Variants in MRFAP1 observed in about 807,000 individuals in gnomAD.
MRFAP1 encodes Morf4 family associated protein 1.
MRFAP1 carries 1 observed loss-of-function variant against 9.3 expected under a neutral mutation model. The ratio of observed to expected loss-of-function variants is 0.11; its 90% CI spans 0.04 to 0.51. The LOEUF (loss-of-function observed/expected upper bound fraction) is 0.51, where lower values mean the gene tolerates loss of function less well. Ranked by LOEUF, MRFAP1 falls within the 20% of genes least tolerant of loss-of-function variation. The pLI, the probability that MRFAP1 is intolerant of heterozygous loss-of-function variation, is 0.94. For missense variants in MRFAP1, 180 were observed against 178.6 expected (o/e 1.01, Z -0.04); for synonymous variants, 101 against 80.3 (o/e 1.26, Z -1.38).
Position 6,640,970 on chromosome 4 carries a change from C to T in MRFAP1, c.108C>T (p.Arg36=). The T allele has an allele frequency of 6.2e-7, 1 of 1,614,140 alleles. No individual in the cohort carries two copies. The highest frequency in any genetic ancestry group is 1.7e-4 in the Middle Eastern group (1 of 6,060). Reference sequence around the variant, plus strand: ...TGCTCCCGGTCATCAACGAGATGCGCGAGGACATCGCGTCGCTGACGCGCG... The same window carrying T: ...TGCTCCCGGTCATCAACGAGATGCGTGAGGACATCGCGTCGCTGACGCGCG... ...QFLLPVINEM[R]EDIASLTREH... Residue 36 remains arginine, a synonymous_variant, in exon 1 of 2, where the codon CGC becomes CGT. Coordinates refer to ENST00000382581, the MANE Select transcript of MRFAP1 (RefSeq NM_033296.3).
intron 1 of MRFAP1, 89 bp from the exon 2 acceptor site, chr4:6,641,641 G>C (rs1712838637): frequency 5.6e-6 from 1 of 177,938 alleles, no homozygotes; most frequent in African/African-American, 2.4e-5. Context: ...AAGAGGTGGC[G>C]TCCTGCACAG....
intron 1 of MRFAP1, 69 bp downstream of exon 1, chr4:6,641,327 C>A: frequency 6.6e-7 from 1 of 1,504,408 alleles, no homozygotes; most frequent in Non-Finnish European, 8.9e-7. Context: ...GCGATGATTT[C>A]ATCGAGATGC....
At position 6,641,273 on chromosome 4, in the gene MRFAP1, C is replaced by A; in HGVS notation, c.*12+15C>A. The A allele has an allele frequency of 6.5e-7, 1 of 1,537,236 alleles. No homozygotes were observed. The highest frequency in any genetic ancestry group is 1.3e-5 in the South Asian group (1 of 79,910). ...CGCGGTCGGCGGTAAGTCGGGCACCCGCGCCAGGCCGAGGAGCGGCCCCAG... is the reference window on the plus strand; with the variant it reads ...CGCGGTCGGCGGTAAGTCGGGCACCAGCGCCAGGCCGAGGAGCGGCCCCAG... On this transcript the variant is annotated intron_variant, in intron 1 of 1. Transcript: ENST00000382581.
In MRFAP1 at chr4:6,640,685, A is replaced by C. The variant is rs897010731; in HGVS notation, c.-178A>C. ...AGCGCTGGTTGACGGCCGGGACTCC[A>C]TTTTGTTCGCCGTTACTCTGCGCGT... On this transcript the variant is annotated 5_prime_UTR_variant, in exon 1 of 2. Transcript: ENST00000382581. The C allele has an allele frequency of 1.7e-5, 13 of 756,732 alleles. No homozygotes were observed. The Admixed American group carries it at 2.0e-4, about 12-fold the overall frequency. 46.9% of individuals were successfully genotyped at this position (756,732 alleles called of 1,614,324 possible).
chr4:6,641,276 G>T lies in MRFAP1; in HGVS notation c.*12+18G>T. ...GGTCGGCGGTAAGTCGGGCACCCGC[G>T]CCAGGCCGAGGAGCGGCCCCAGCTT... On this transcript the variant is annotated intron_variant, in intron 1 of 1. Coordinates refer to ENST00000382581, the MANE Select transcript of MRFAP1 (RefSeq NM_033296.3). The T allele has an allele frequency of 2.0e-6, 3 of 1,537,126 alleles. No homozygotes were observed. Among genetic ancestry groups the T allele is most frequent in the Non-Finnish European group, 2.6e-6 (3 of 1,139,530 alleles).
chr4:6,641,599 C>G (rs189109713), intron 1 of MRFAP1, 131 bp from the exon 2 acceptor site: 1 of 237,080 alleles, frequency 4.2e-6, no homozygotes, highest in East Asian at 1.0e-4. Context: ...GTCAACGTTG[C>G]TAGAGACTGG....
Position 6,640,857 on chromosome 4 carries a change from G to A in MRFAP1, c.-6G>A, listed in dbSNP as rs1712786922. 4 of 1,601,440 alleles carry A rather than the reference G, an allele frequency of 2.5e-6. No homozygotes were observed. In the East Asian group the frequency reaches 8.9e-5, roughly 36 times the overall value. ...CGCTATTGCGGTTCCGAGGCAGTGG[G>A]AAGAGATGCGGCCCCTGGACATCGT... On this transcript the variant is annotated 5_prime_UTR_variant, in exon 1 of 2. Transcript: ENST00000382581.
Position 6,641,001 on chromosome 4 carries a change from G to T in MRFAP1, c.139G>T (p.Gly47Trp). 6.2e-7 allele frequency: 1 copy of T among 1,614,232 alleles called. No individual in the cohort carries two copies. Among genetic ancestry groups the T allele is most frequent in the Non-Finnish European group, 8.5e-7 (1 of 1,180,040 alleles). Residue 47 changes from glycine (G) to tryptophan (W), a missense_variant, in exon 1 of 2, where the codon GGG becomes TGG. Physicochemically the swap from Gly to Trp is radical, Grantham distance 184 (BLOSUM62 -2). Transcript: ENST00000382581. The part of the protein sequence containing the change: ...EDIASLTREH[G>W]RAYLRNRSKL... ...CATCGCGTCGCTGACGCGCGAGCACGGGCGGGCGTACCTGCGGAACCGGAG... is the reference window on the plus strand; with the variant it reads ...CATCGCGTCGCTGACGCGCGAGCACTGGCGGGCGTACCTGCGGAACCGGAG...
In MRFAP1 at chr4:6,641,265, C is replaced by T. The variant is rs1343597453; in HGVS notation, c.*12+7C>T. 3 of 1,546,014 alleles carry T rather than the reference C, an allele frequency of 1.9e-6. No individual in the cohort carries two copies. The highest frequency in any genetic ancestry group is 1.2e-5 in the South Asian group (1 of 81,546). ...GTCGTGAGCGCGGTCGGCGGTAAGTCGGGCACCCGCGCCAGGCCGAGGAGC... is the reference window on the plus strand; with the variant it reads ...GTCGTGAGCGCGGTCGGCGGTAAGTTGGGCACCCGCGCCAGGCCGAGGAGC... On this transcript the variant is annotated splice_region_variant and intron_variant, in intron 1 of 1. Coordinates refer to ENST00000382581, the MANE Select transcript of MRFAP1 (RefSeq NM_033296.3).
chr4:6,640,990 C>A lies in MRFAP1; in HGVS notation c.128C>A (p.Thr43Lys), dbSNP rs1430476737. Residue 43 changes from threonine (T) to lysine (K), a missense_variant, in exon 1 of 2, where the codon ACG (threonine) becomes AAG (lysine). Transcript: ENST00000382581. ...ATGCGCGAGGACATCGCGTCGCTGA[C>A]GCGCGAGCACGGGCGGGCGTACCTG... Reference protein sequence around the residue: ...NEMREDIASLTREHGRAYLRN... With the variant: ...NEMREDIASLKREHGRAYLRN... 8 of 1,614,052 alleles carry A rather than the reference C, an allele frequency of 5.0e-6. No individual in the cohort carries two copies. The East Asian group carries it at 1.8e-4, about 36-fold the overall frequency.
At position 6,642,400 on chromosome 4, in the gene MRFAP1, C is replaced by G. The variant is rs546321867; in HGVS notation, c.*683C>G. ...TGTCTGGTGAGTTTGTTTGGACAACCTAACTCAGCTTTATTTGACATGGAA... is the reference window on the plus strand; with the variant it reads ...TGTCTGGTGAGTTTGTTTGGACAACGTAACTCAGCTTTATTTGACATGGAA... On this transcript the variant is annotated 3_prime_UTR_variant, in exon 2 of 2. Coordinates refer to ENST00000382581, the MANE Select transcript of MRFAP1 (RefSeq NM_033296.3). 5.9e-5 allele frequency: 9 copies of G among 152,680 alleles called. No individual in the cohort carries two copies. Among genetic ancestry groups the G allele is most frequent in the Non-Finnish European group, 1.0e-4 (7 of 68,060 alleles). 9.5% of individuals were successfully genotyped at this position (152,680 alleles called of 1,614,324 possible).
Position 6,640,685 on chromosome 4 carries a change from A to AT in MRFAP1, c.-174dup. On this transcript the variant is annotated 5_prime_UTR_variant, in exon 1 of 2. Coordinates refer to ENST00000382581, the MANE Select transcript of MRFAP1 (RefSeq NM_033296.3). ...AGCGCTGGTTGACGGCCGGGACTCC[A>AT]TTTTGTTCGCCGTTACTCTGCGCGT... 1.3e-6 allele frequency: 1 copy of AT among 756,850 alleles called. No homozygotes were observed. Among genetic ancestry groups the AT allele is most frequent in the Non-Finnish European group, 2.1e-6 (1 of 484,294 alleles). 46.9% of individuals were successfully genotyped at this position (756,850 alleles called of 1,614,324 possible).
At chr4:6,641,448 T>G (rs1577307406) in intron 1 of MRFAP1, 190 bp downstream of exon 1, 3 of 673,938 alleles carry the variant, frequency 4.5e-6, no homozygotes, top group South Asian at 2.3e-5. Flanking sequence ...ATAATCAGAG[T>G]GGCCGGGTTT....
rs1345607805 is a variant in MRFAP1, at chr4:6,641,153, C to T, written c.291C>T (p.Cys97=). 3 of 1,613,988 alleles carry T rather than the reference C, an allele frequency of 1.9e-6. No homozygotes were observed. The highest frequency in any genetic ancestry group is 8.5e-7 in the Non-Finnish European group (1 of 1,180,004). The change falls in exon 1 of 2, where the codon TGC becomes TGT. Residue 97 remains cysteine, a synonymous_variant. Coordinates refer to ENST00000382581, the MANE Select transcript of MRFAP1 (RefSeq NM_033296.3). ...DAAEGRAAKR[C]EKAEEKAKEI... is the part of the protein sequence containing the mutation. ...CCGAGGGCCGGGCGGCCAAGAGGTG[C>T]GAGAAGGCCGAGGAGAAGGCCAAGG...
chr4:6,640,898 G>T lies in MRFAP1; in HGVS notation c.36G>T (p.Pro12=), dbSNP rs777241090. 1 of 1,612,090 alleles carries T rather than the reference G, an allele frequency of 6.2e-7. No homozygotes were observed. The highest frequency in any genetic ancestry group is 1.3e-5 in the African/African-American group (1 of 75,042). ...TGGACATCGTCGAGCTGGCGGAACC[G>T]GAGGAAGTGGAGGTGCTGGAGCCCG... ...RPLDIVELAE[P]EEVEVLEPEE... is the part of the protein sequence containing the mutation. The change falls in exon 1 of 2, where the codon CCG becomes CCT. Residue 12 remains proline (P), a synonymous_variant. Coordinates refer to ENST00000382581, the MANE Select transcript of MRFAP1 (RefSeq NM_033296.3).
intron 1 of MRFAP1, 190 bp from the exon 2 acceptor site, chr4:6,641,540 C>T (rs775984444): frequency 1.4e-5 from 5 of 362,354 alleles, no homozygotes; most frequent in Non-Finnish European, 1.5e-5. Context: ...CCGGGCCGTC[C>T]AGCAAGCGGG....
At position 6,642,085 on chromosome 4, in the gene MRFAP1, G is replaced by C. The variant is rs1481217111; in HGVS notation, c.*368G>C. 6.5e-6 allele frequency: 1 copy of C among 152,674 alleles called. No individual in the cohort carries two copies. The allele number at this position is 152,674 out of a possible 1,614,324, so 9.5% of individuals were successfully genotyped here. A position where few individuals can be genotyped will look rare whatever the true frequency, so the allele number is the denominator to read the frequency against. On this transcript the variant is annotated 3_prime_UTR_variant, in exon 2 of 2. Transcript: ENST00000382581. ...GATAGCTCCCTGGAACTTTGGGTCT[G>C]TGTGTGACACATGAGACTCACAGTT...
At position 6,642,321 on chromosome 4, in the gene MRFAP1, A is replaced by G. The variant is rs1303555347; in HGVS notation, c.*604A>G. 1 of 152,624 alleles carries G rather than the reference A, an allele frequency of 6.6e-6. No individual in the cohort carries two copies. Among genetic ancestry groups the G allele is most frequent in the Non-Finnish European group, 1.5e-5 (1 of 68,046 alleles). 9.5% of individuals were successfully genotyped at this position (152,624 alleles called of 1,614,324 possible). On this transcript the variant is annotated 3_prime_UTR_variant, in exon 2 of 2. Coordinates refer to ENST00000382581, the MANE Select transcript of MRFAP1 (RefSeq NM_033296.3). Reference sequence around the variant, plus strand: ...TTTCTGTGTGAGACCAAAGGAGGAGAGATGTGTTTTGTTCAAAATTTAAAT... The same window carrying G: ...TTTCTGTGTGAGACCAAAGGAGGAGGGATGTGTTTTGTTCAAAATTTAAAT...
Position 6,640,701 on chromosome 4 carries a change from C to A in MRFAP1, c.-162C>A. 2 of 920,090 alleles carry A rather than the reference C, an allele frequency of 2.2e-6. No individual in the cohort carries two copies. The highest frequency in any genetic ancestry group is 2.5e-5 in the East Asian group (1 of 40,214). The allele number at this position is 920,090 out of a possible 1,614,324, so 57.0% of individuals were successfully genotyped here. A position where few individuals can be genotyped will look rare whatever the true frequency, so the allele number is the denominator to read the frequency against. On this transcript the variant is annotated 5_prime_UTR_variant, in exon 1 of 2. Coordinates refer to ENST00000382581, the MANE Select transcript of MRFAP1 (RefSeq NM_033296.3). ...CGGGACTCCATTTTGTTCGCCGTTACTCTGCGCGTAAGTCGCTTGTCCGTG... is the reference window on the plus strand; with the variant it reads ...CGGGACTCCATTTTGTTCGCCGTTAATCTGCGCGTAAGTCGCTTGTCCGTG...
Sources: gnomAD v4.1 joint callset for allele counts on GRCh38, gnomAD v4.1.1 for gene constraint, MANE v1.5 for transcripts, NCBI Gene and HGNC (gene_info 2026-07-23, HGNC 2026-07-21) for gene names.